Variants in COMMD9 observed in about 807,000 individuals in gnomAD.
The protein encoded by COMMD9 is COMM domain-containing protein 9.
A neutral mutation model predicts 23.4 loss-of-function variants in COMMD9; 22 were observed. The observed-to-expected ratio is 0.94, with a 90% CI of 0.67 to 1.34. The LOEUF is 1.34. COMMD9 is among the 40% of genes most tolerant of loss of function. The pLI is 0.00. For missense variants in COMMD9, 231 were observed against 240.2 expected, an observed-to-expected ratio of 0.96 and a Z score of 0.25; for synonymous variants, 99 against 97.4, an observed-to-expected ratio of 1.02 and a Z score of -0.10.
chr11:36,274,210 T>C lies in COMMD9; in HGVS notation c.*422A>G. The C allele has an allele frequency of 2.2e-6, 1 of 455,936 alleles. No individual in the cohort carries two copies. The highest frequency in any genetic ancestry group is 6.9e-5 in the East Asian group (1 of 14,412). 28.2% of individuals were successfully genotyped at this position (455,936 alleles called of 1,614,324 possible). A position where few individuals can be genotyped will look rare whatever the true frequency, so the allele number is the denominator to read the frequency against. The stretch of plus-strand genomic sequence containing the variant: ...GGAACTGCTGGCATCACCTGTCCGA[T>C]TCCCTCCATGTGTTCTGGGATTGGA... On this transcript the variant is annotated 3_prime_UTR_variant, in exon 6 of 6. Transcript: ENST00000263401.
At chr11:36,287,944 C>G (rs1856199968) in intron 1 of COMMD9, among the ~76,000 whole-genome samples, 2 of 152,068 alleles carry the variant, frequency 1.3e-5, no homozygotes, top group African/African-American at 2.4e-5. Context: ...ATGCACTTTT[C>G]TGTATGTATA....
intron 3 of COMMD9, among the ~76,000 whole-genome samples, 154 bp from the exon 4 acceptor site, chr11:36,277,277 C>G (rs1387957097): frequency 2.6e-5 from 4 of 152,166 alleles, no homozygotes; most frequent in African/African-American, 9.7e-5. Flanking sequence ...CCAAGAAAGT[C>G]TTTTGTTTAT....
intron 1 of COMMD9, among the ~76,000 whole-genome samples, chr11:36,281,483 C>A (rs1485244625): frequency 6.6e-6 from 1 of 152,164 alleles, no homozygotes; most frequent in Non-Finnish European, 1.5e-5. Flanking sequence ...TTATCCCCAC[C>A]AGCTGGTAAC....
chr11:36,284,825 A>G (rs1458797014), intron 1 of COMMD9, among the ~76,000 whole-genome samples: 1 of 152,230 alleles, frequency 6.6e-6, no homozygotes, highest in African/African-American at 2.4e-5. Context: ...ATTACACTGA[A>G]TAAGTGAAAA....
chr11:36,284,916 C>A (rs1477799620), intron 1 of COMMD9, among the ~76,000 whole-genome samples: 3 of 152,066 alleles, frequency 2.0e-5, no homozygotes, highest in African/African-American at 7.2e-5. Flanking sequence ...AATGCATATA[C>A]TAGAAAAGAG....
chr11:36,280,194 T>C (rs1353927815), intron 2 of COMMD9, among the ~76,000 whole-genome samples: 2 of 152,236 alleles, frequency 1.3e-5, no homozygotes, highest in Non-Finnish European at 2.9e-5. Flanking sequence ...GATAAGGCTG[T>C]CACTGCTACA....
chr11:36,274,715 C>T lies in COMMD9; in HGVS notation c.514G>A (p.Glu172Lys), dbSNP rs1460772155. 1 of 1,614,212 alleles carries T rather than the reference C, an allele frequency of 6.2e-7. No individual in the cohort carries two copies. The highest frequency in any genetic ancestry group is 1.1e-5 in the South Asian group (1 of 91,088). ...DKPSISAVTV[E>K]LSKETLDTML... is the part of the protein sequence containing the mutation. ...GTGTCCAGTGTTTCTTTGCTCAGCT[C>T]CACGGTGACAGCTGAGATGGAGGGT... Residue 172 changes from glutamate (E) to lysine (K), a missense_variant, in exon 6 of 6, where the codon GAG (glutamate) becomes AAG (lysine). By Grantham distance (56) the Glu-to-Lys change is moderately conservative. Transcript: ENST00000263401.
chr11:36,289,281 C>G (rs1856226626), intron 1 of COMMD9, 81 bp downstream of exon 1: 1 of 1,380,532 alleles, frequency 7.2e-7, no homozygotes, highest in Admixed American at 2.2e-5. Flanking sequence ...AAACCAGGGT[C>G]AATTTGTTCC....
chr11:36,281,321 A>G (rs1459734903), intron 1 of COMMD9, among the ~76,000 whole-genome samples: 1 of 152,210 alleles, frequency 6.6e-6, no homozygotes, highest in Non-Finnish European at 1.5e-5. Flanking sequence ...GCCAAATATC[A>G]TAGAAAAACT....
chr11:36,283,504 T>G (rs965426600), intron 1 of COMMD9, among the ~76,000 whole-genome samples: 2 of 152,100 alleles, frequency 1.3e-5, no homozygotes, highest in African/African-American at 2.4e-5. Context: ...ACCAATAGAC[T>G]GTGATAAGTT....
chr11:36,282,318 C>G (rs1429582619), intron 1 of COMMD9, among the ~76,000 whole-genome samples: 1 of 151,980 alleles, frequency 6.6e-6, no homozygotes, highest in African/African-American at 2.4e-5. Context: ...GAACCCTAGA[C>G]AGGATAAATC....
intron 1 of COMMD9, among the ~76,000 whole-genome samples, chr11:36,286,395 C>CAAAAAAAAAAAAAAAAAA (rs138463305): frequency 6.5e-5 from 5 of 76,926 alleles, no homozygotes; most frequent in Admixed American, 3.4e-4. Context: ...ACTAAAAATA[C>CAAAAAAAAAAAAAAAAAA]AAAAAAAAAA....
At chr11:36,275,913 A>T (rs1187296589) in intron 5 of COMMD9, among the ~76,000 whole-genome samples, 1 of 152,236 alleles carries the variant, frequency 6.6e-6, no homozygotes, top group East Asian at 1.9e-4. Context: ...AGGTATCAGC[A>T]AATTATTTTA....
intron 5 of COMMD9, among the ~76,000 whole-genome samples, chr11:36,275,119 G>A (rs1199445959): frequency 6.6e-6 from 1 of 152,186 alleles, no homozygotes. Flanking sequence ...GGTTCTGTTG[G>A]ATACTTCAGA....
At position 36,273,069 on chromosome 11, in the gene COMMD9, A is replaced by G. The variant is rs1017212425; in HGVS notation, c.*1563T>C. 1 of 152,224 alleles carries G rather than the reference A, an allele frequency of 6.6e-6. No individual in the cohort carries two copies. Among genetic ancestry groups the G allele is most frequent in the Non-Finnish European group, 1.5e-5 (1 of 68,040 alleles). 9.4% of individuals were successfully genotyped at this position (152,224 alleles called of 1,614,324 possible). A position where few individuals can be genotyped will look rare whatever the true frequency, so the allele number is the denominator to read the frequency against. ...TGCATTATATCATTTAATTTTCACA[A>G]AAGTCCTATCAAGTAGGTACTACTA... On this transcript the variant is annotated 3_prime_UTR_variant, in exon 6 of 6. Coordinates refer to ENST00000263401, the MANE Select transcript of COMMD9 (RefSeq NM_014186.4).
At chr11:36,277,664 T>C (rs1199498011) in intron 3 of COMMD9, among the ~76,000 whole-genome samples, 1 of 152,172 alleles carries the variant, frequency 6.6e-6, no homozygotes, top group Non-Finnish European at 1.5e-5. Context: ...TAATCAATTC[T>C]GCTTAAAATG....
At chr11:36,277,049 A>AG in intron 4 of COMMD9, 40 bp downstream of exon 4, 1 of 1,570,220 alleles carries the variant, frequency 6.4e-7, no homozygotes, top group Non-Finnish European at 8.7e-7. Context: ...GGGGCTGGGG[A>AG]GACAAGTAAG....
chr11:36,276,817 A>AT (rs1194892051), intron 4 of COMMD9: 2 of 310,686 alleles, frequency 6.4e-6, no homozygotes, highest in East Asian at 5.4e-5. Flanking sequence ...ATTATTGTTA[A>AT]TTTTTTTCAC....
chr11:36,289,363 T>A lies in COMMD9; in HGVS notation c.50A>T (p.Lys17Met). 2 of 1,551,702 alleles carry A rather than the reference T, an allele frequency of 1.3e-6. No homozygotes were observed. Among genetic ancestry groups the A allele is most frequent in the Non-Finnish European group, 1.7e-6 (2 of 1,146,944 alleles). The change falls in exon 1 of 6, where the codon AAG becomes ATG. Residue 17 changes from lysine to methionine, a missense_variant and splice_region_variant. Physicochemically the swap from Lys to Met is moderately conservative, Grantham distance 95. Coordinates refer to ENST00000263401, the MANE Select transcript of COMMD9 (RefSeq NM_014186.4). ...EHFAALQSLLKASSKDVVRQL... is the reference protein window; with the variant it reads ...EHFAALQSLLMASSKDVVRQL... ...GCTGTCCCCACCCCTTCGACTTACC[T>A]TGAGCAGGCTCTGGAGTGCTGCAAA...
Sources: allele counts gnomAD v4.1 joint callset (sites outside exome capture counted in the v4.1 genomes callset), GRCh38; gene constraint gnomAD v4.1.1; transcripts MANE v1.5; gene names NCBI Gene and HGNC (gene_info 2026-07-23, HGNC 2026-07-21).